The following TM9SF2 variants were observed in gnomAD, a reference collection of about 807,000 sequenced individuals.
TM9SF2 encodes transmembrane 9 superfamily member 2.
In TM9SF2, 13 loss-of-function variants were observed where a neutral mutation model predicts 84.9. That is an observed-to-expected ratio of 0.15 (90% CI 0.10 to 0.24). TM9SF2 has a LOEUF of 0.24. Ranked by LOEUF, TM9SF2 falls within the 10% of genes least tolerant of loss-of-function variation. TM9SF2 has a pLI of 1.00. For missense variants in TM9SF2, 562 were observed against 818.5 expected (o/e 0.69, Z 3.82); for synonymous variants, 273 against 285.8 (o/e 0.96, Z 0.45).
intron 11 of TM9SF2, among the ~76,000 whole-genome samples, chr13:99,547,949 G>A (rs1233956157): frequency 6.6e-6 from 1 of 152,222 alleles, no homozygotes; most frequent in African/African-American, 2.4e-5. Context: ...TCTCTCTTGA[G>A]TATGTGAAGC....
Position 99,536,714 on chromosome 13 carries a change from G to A in TM9SF2, c.568G>A (p.Ala190Thr), listed in dbSNP as rs1280764341. The A allele has an allele frequency of 6.2e-7, 1 of 1,613,584 alleles. No individual in the cohort carries two copies. Among genetic ancestry groups the A allele is most frequent in the East Asian group, 2.2e-5 (1 of 44,832 alleles). ...CTGTTACATTACAGATAAAGGCCATGCAAAAGATGCCTGTGTTATTAGTGT... is the reference window on the plus strand; with the variant it reads ...CTGTTACATTACAGATAAAGGCCATACAAAAGATGCCTGTGTTATTAGTGT... ...IGCYITDKGH[A>T]KDACVISSDF... is the part of the protein sequence containing the mutation. Residue 190 changes from alanine to threonine, a missense_variant, in exon 5 of 17, where the codon GCA becomes ACA. Transcript: ENST00000376387.
At chr13:99,545,306 A>G (rs2046278112) in intron 10 of TM9SF2, among the ~76,000 whole-genome samples, 1 of 152,144 alleles carries the variant, frequency 6.6e-6, no homozygotes, top group African/African-American at 2.4e-5. Context: ...TCACACCTTC[A>G]GGTTCAGTTT....
intron 4 of TM9SF2, among the ~76,000 whole-genome samples, chr13:99,535,491 A>G (rs1481540607): frequency 6.6e-6 from 1 of 152,218 alleles, no homozygotes; most frequent in Non-Finnish European, 1.5e-5. Context: ...ATTCTATATA[A>G]CAATGCGTTT....
chr13:99,541,621 G>A lies in TM9SF2; in HGVS notation c.971G>A (p.Arg324Gln), dbSNP rs1393669448. 1.2e-6 allele frequency: 2 copies of A among 1,612,816 alleles called. No individual in the cohort carries two copies. The highest frequency in any genetic ancestry group is 1.7e-5 in the Admixed American group (1 of 59,944). The change falls in exon 9 of 17, where the codon CGG (arginine) becomes CAG (glutamine). Residue 324 changes from arginine (R) to glutamine (Q), a missense_variant. Around this residue, in one of 4 missense-constraint regions of TM9SF2, gnomAD observed 219 missense variants for 338.1 expected, o/e 0.65. Transcript: ENST00000376387. ...GGAATGGTAGCTATGATTATGTTAC[G>A]GACACTGCACAAAGATATTGCTAGA... ...LSGMVAMIML[R>Q]TLHKDIARYN...
At chr13:99,515,853 C>T (rs1322213113) in intron 1 of TM9SF2, among the ~76,000 whole-genome samples, 2 of 151,988 alleles carry the variant, frequency 1.3e-5, no homozygotes, top group African/African-American at 4.8e-5. Context: ...CTGCCCCAGC[C>T]TCCCCAGTAG....
intron 13 of TM9SF2, 88 bp from the exon 14 acceptor site, chr13:99,554,215 GA>G: frequency 2.7e-6 from 4 of 1,483,678 alleles, no homozygotes; most frequent in African/African-American, 1.4e-5. Flanking sequence ...CATAGAAGCT[GA>G]AAAAAAGCAG....
intron 3 of TM9SF2, among the ~76,000 whole-genome samples, chr13:99,525,495 G>T (rs2046178795): frequency 6.6e-6 from 1 of 151,836 alleles, no homozygotes; most frequent in African/African-American, 2.4e-5. Context: ...GCCCACCTTG[G>T]CCTCCCAAAG....
intron 12 of TM9SF2, among the ~76,000 whole-genome samples, chr13:99,551,743 A>C (rs550529533): frequency 6.6e-6 from 1 of 152,248 alleles, no homozygotes; most frequent in African/African-American, 2.4e-5. Flanking sequence ...AGTAAGTAGA[A>C]TATGTAAATA....
chr13:99,548,102 A>T (rs2046291298), intron 11 of TM9SF2, among the ~76,000 whole-genome samples: 1 of 151,604 alleles, frequency 6.6e-6, no homozygotes. Context: ...TTTGCCTGCC[A>T]CACCAGCCTT....
At chr13:99,507,336 A>C (rs2046093010) in intron 1 of TM9SF2, among the ~76,000 whole-genome samples, 1 of 152,122 alleles carries the variant, frequency 6.6e-6, no homozygotes, top group Non-Finnish European at 1.5e-5. Context: ...AGTTCCAGAA[A>C]ACACTCTGTA....
chr13:99,513,822 T>C (rs1024977050), intron 1 of TM9SF2, among the ~76,000 whole-genome samples: 36 of 152,238 alleles, frequency 2.4e-4, no homozygotes, highest in African/African-American at 8.7e-4. Flanking sequence ...GAAAGTTTTA[T>C]TGGGCTACAG....
In TM9SF2 at chr13:99,563,399, C is replaced by T. The variant is rs1197670736; in HGVS notation, c.*641C>T. On this transcript the variant is annotated 3_prime_UTR_variant, in exon 17 of 17. Transcript: ENST00000376387. ...AAATATTATAAAAATGTCTTCATTG[C>T]ATCATTACCTATTATATATTCAAGG... The T allele has an allele frequency of 1.3e-5, 2 of 152,156 alleles. No individual in the cohort carries two copies. Among genetic ancestry groups the T allele is most frequent in the African/African-American group, 4.8e-5 (2 of 41,424 alleles). The allele number at this position is 152,156 out of a possible 1,614,324, so 9.4% of individuals were successfully genotyped here. A position where few individuals can be genotyped will look rare whatever the true frequency, so the allele number is the denominator to read the frequency against.
chr13:99,526,375 G>T (rs2046183612), intron 3 of TM9SF2, among the ~76,000 whole-genome samples: 1 of 152,238 alleles, frequency 6.6e-6, no homozygotes, highest in African/African-American at 2.4e-5. Context: ...AAGAACACAG[G>T]ATGTGAGGAC....
chr13:99,533,129 A>T (rs144536704), intron 4 of TM9SF2, among the ~76,000 whole-genome samples: 1 of 152,232 alleles, frequency 6.6e-6, no homozygotes, highest in African/African-American at 2.4e-5. Context: ...AATTTACAGT[A>T]TTCTGTTAGG....
intron 3 of TM9SF2, among the ~76,000 whole-genome samples, chr13:99,525,847 G>T (rs186211325): frequency 1.3e-5 from 2 of 152,254 alleles, no homozygotes; most frequent in East Asian, 3.9e-4. Context: ...GAGCCACCGC[G>T]CCCGGCCAGG....
At chr13:99,504,839 G>A (rs2046081852) in intron 1 of TM9SF2, among the ~76,000 whole-genome samples, 2 of 152,064 alleles carry the variant, frequency 1.3e-5, no homozygotes, top group Non-Finnish European at 2.9e-5. Context: ...TTTTATAGCC[G>A]ATACTATTTC....
chr13:99,562,634 G>A, intron 16 of TM9SF2, 57 bp from the exon 17 acceptor site: 3 of 1,537,352 alleles, frequency 2.0e-6, no homozygotes, highest in South Asian at 1.1e-5. Flanking sequence ...CTGTATTTTT[G>A]TGTAAAGTAT....
chr13:99,502,823 T>C (rs4772214), intron 1 of TM9SF2, among the ~76,000 whole-genome samples: 26,546 of 152,252 alleles, frequency 0.17, 2,506 homozygotes, highest in Non-Finnish European at 0.2. Context: ...GTTTGATTTT[T>C]TTAAGCTGGT....
intron 10 of TM9SF2, 40 bp from the exon 11 acceptor site, chr13:99,546,945 G>C: frequency 6.2e-7 from 1 of 1,612,130 alleles, no homozygotes; most frequent in East Asian, 2.2e-5. Flanking sequence ...AAAGGAAACA[G>C]AGTAATAACA....
Sources: gnomAD v4.1 joint callset for allele counts (sites outside exome capture counted in the v4.1 genomes callset) on GRCh38, gnomAD v4.1.1 for gene constraint, gnomAD v4.1.1 regional missense constraint, MANE v1.5 for transcripts, NCBI Gene and HGNC (gene_info 2026-07-23, HGNC 2026-07-21) for gene names.